ANXA6: variants seen among roughly 807,000 people sequenced by gnomAD.
ANXA6 encodes annexin A6, also known as 67 kDa calelectrin.
ANXA6 carries 71 observed loss-of-function variants against 95.4 expected under a neutral mutation model. The ratio of observed to expected loss-of-function variants is 0.74; its 90% CI spans 0.61 to 0.91. The LOEUF (loss-of-function observed/expected upper bound fraction) is 0.91, where lower values mean the gene tolerates loss of function less well. ANXA6 is among the 40% of genes least tolerant of loss of function. The probability of loss-of-function intolerance (pLI) is 0.00; values close to 1 mark genes in which losing one functional copy is unlikely to be tolerated. For synonymous variants in ANXA6, 289 were observed against 315.9 expected (o/e 0.91, Z 0.90); for missense variants, 830 against 876.4 (o/e 0.95, Z 0.67).
intron 24 of ANXA6, among the ~76,000 whole-genome samples, chr5:151,104,736 G>A (rs1764647158): frequency 6.6e-6 from 1 of 152,210 alleles, no homozygotes; most frequent in African/African-American, 2.4e-5. Context: ...TCTCCCAGAA[G>A]GGCAGGACTA....
chr5:151,132,153 C>T (rs1765531338), intron 10 of ANXA6, among the ~76,000 whole-genome samples: 1 of 152,176 alleles, frequency 6.6e-6, no homozygotes, highest in African/African-American at 2.4e-5. Flanking sequence ...ACACTCAGCA[C>T]AGTGCCTGGC....
Position 151,101,336 on chromosome 5 carries a change from C to CCCCCCA in ANXA6, c.*106_*111dup. The stretch of plus-strand genomic sequence containing the variant: ...AAGATAAGAGCCCAACCCAACCCCT[C>CCCCCCA]CCCCCACCCCTGCCCCTTCCTTAGT... On this transcript the variant is annotated 3_prime_UTR_variant, in exon 26 of 26. Transcript: ENST00000354546. 1.3e-5 allele frequency: 4 copies of CCCCCCA among 308,624 alleles called. No individual in the cohort carries two copies. The highest frequency in any genetic ancestry group is 1.1e-4 in the East Asian group (1 of 8,980). 19.1% of individuals were successfully genotyped at this position (308,624 alleles called of 1,614,324 possible).
chr5:151,141,684 T>C (rs950339721), intron 2 of ANXA6: 25 of 985,326 alleles, frequency 2.5e-5, no homozygotes, highest in Admixed American at 6.1e-5. Context: ...CTCTGAGGTA[T>C]GCATGCGTCG....
intron 2 of ANXA6, among the ~76,000 whole-genome samples, chr5:151,145,630 C>G (rs1033115411): frequency 6.6e-6 from 1 of 152,150 alleles, no homozygotes; most frequent in Non-Finnish European, 1.5e-5. Context: ...TGTATACATG[C>G]ATGCATGTGT....
At chr5:151,138,838 T>G (rs760712625) in intron 4 of ANXA6, 47 bp from the exon 5 acceptor site, 57 of 1,304,360 alleles carry the variant, frequency 4.4e-5, no homozygotes, top group Non-Finnish European at 5.9e-5. Context: ...AGAGGAAGAG[T>G]AGTTACAACG....
At chr5:151,105,167 G>A in intron 24 of ANXA6, 78 bp downstream of exon 24, 1 of 1,315,498 alleles carries the variant, frequency 7.6e-7, no homozygotes, top group Non-Finnish European at 1.1e-6. Flanking sequence ...TGATCTGGGG[G>A]ATGGTGCACA....
rs758298659 is a variant in ANXA6, at chr5:151,117,182, T to C, written c.1519-2A>G. On this transcript the variant is annotated splice_acceptor_variant, in intron 19 of 25. Coordinates refer to ENST00000354546, the MANE Select transcript of ANXA6 (RefSeq NM_001155.5). LOFTEE classifies it high-confidence loss of function. ...TTCTCCTCCCTCCTCACGATGCCCC[T>C]GCAGCAGGAGCAGCAAGAAAGTTCA... 5 of 1,590,962 alleles carry C rather than the reference T, an allele frequency of 3.1e-6. No homozygotes were observed. In the Admixed American group the frequency reaches 8.6e-5, roughly 27 times the overall value.
At chr5:151,126,571 CCCCA>C in intron 13 of ANXA6, 91 bp from the exon 14 acceptor site, 138 of 912,206 alleles carry the variant, frequency 1.5e-4, no homozygotes, top group Non-Finnish European at 2.2e-4. Flanking sequence ...CACACACACA[CCCCA>C]ACACATACAC....
Position 151,100,775 on chromosome 5 carries a change from G to A in ANXA6, c.*673C>T, listed in dbSNP as rs980437407. ...ATAAAAAGTGTCAAGGGAATGAATC[G>A]GAGGCATACTTTAGGAAGTTAATGT... On this transcript the variant is annotated 3_prime_UTR_variant, in exon 26 of 26. Transcript: ENST00000354546. 8 of 428,932 alleles carry A rather than the reference G, an allele frequency of 1.9e-5. No individual in the cohort carries two copies. The highest frequency in any genetic ancestry group is 4.1e-5 in the African/African-American group (2 of 48,848). 26.6% of individuals were successfully genotyped at this position (428,932 alleles called of 1,614,324 possible).
Position 151,132,646 on chromosome 5 carries a change from A to AG in ANXA6, c.641-76dup, listed in dbSNP as rs1765549297. The AG allele has an allele frequency of 1.4e-5, 18 of 1,266,828 alleles. No homozygotes were observed. In the East Asian group the frequency reaches 4.0e-4, roughly 28 times the overall value. The allele number at this position is 1,266,828 out of a possible 1,614,324, so 78.5% of individuals were successfully genotyped here. On this transcript the variant is annotated intron_variant, in intron 9 of 25. Coordinates refer to ENST00000354546, the MANE Select transcript of ANXA6 (RefSeq NM_001155.5). ...GAGAAGAAATGAGGACTTCAAGAGC[A>AG]GGGGGGCACAGTGGCCAGGACGACT...
chr5:151,138,481 CTGCATCATGT>C (rs1272974869), intron 5 of ANXA6, among the ~76,000 whole-genome samples, 187 bp downstream of exon 5: 7 of 152,148 alleles, frequency 4.6e-5, no homozygotes, highest in African/African-American at 1.7e-4. Context: ...GTAAGGGGGT[CTGCATCATGT>C]TGACATCTGT....
At chr5:151,154,911 T>C (rs988683609) in intron 1 of ANXA6, 5 of 151,814 alleles carry the variant, frequency 3.3e-5, no homozygotes, top group Non-Finnish European at 7.4e-5. Flanking sequence ...CTGAGGGTGA[T>C]ATTTAGTAGC....
chr5:151,111,473 C>T (rs753627976), intron 20 of ANXA6, among the ~76,000 whole-genome samples: 2 of 152,172 alleles, frequency 1.3e-5, no homozygotes, highest in Admixed American at 6.5e-5. Flanking sequence ...TGGCAATGTC[C>T]GTTAAAAGTT....
rs1359461537 is a variant in ANXA6 at position 151,144,334 on chromosome 5, A to C, written c.18+3550T>G. Among the ~76,000 whole-genome samples the C allele has an allele frequency of 9.2e-5, 14 of 152,216 alleles. 1 individual carries two copies. Among genetic ancestry groups the C allele is most frequent in the Admixed American group, 9.2e-4 (14 of 15,286 alleles). On this transcript the variant is annotated intron_variant, in intron 2 of 25. Coordinates refer to ENST00000354546, the MANE Select transcript of ANXA6 (RefSeq NM_001155.5). ...AATAGCAGCAGATTTCATATGGTTC[A>C]TGTGACAGGTATTTCATACAAATAC...
chr5:151,122,156 C>G lies in ANXA6; in HGVS notation c.1338G>C (p.Lys446Asn). The change falls in exon 17 of 26, where the codon AAG becomes AAC. Residue 446 changes from lysine to asparagine, a missense_variant. Lys to Asn is a moderately conservative substitution (Grantham distance 94). Transcript: ENST00000354546. ...PAHYDAKQLK[K>N]AMEGAGTDEK... ...TGGTGCCACACTGTACCTCCATGGC[C>G]TTCTTCAACTGCTTGGCATCGTAAT... 6.3e-7 allele frequency: 1 copy of G among 1,593,406 alleles called. No individual in the cohort carries two copies. Among genetic ancestry groups the G allele is most frequent in the Non-Finnish European group, 8.5e-7 (1 of 1,172,502 alleles).
intron 2 of ANXA6, among the ~76,000 whole-genome samples, chr5:151,147,640 C>G (rs887872896): frequency 6.6e-6 from 1 of 152,228 alleles, no homozygotes; most frequent in African/African-American, 2.4e-5. Context: ...AAGCCCTGGG[C>G]CTCTCTGTCA....
rs543198778 is a variant in ANXA6 at position 151,120,273 on chromosome 5, G to A, written c.1348-883C>T. Among the ~76,000 whole-genome samples the A allele has an allele frequency of 2.0e-4, 30 of 152,204 alleles. No homozygotes were observed. In the East Asian group the frequency reaches 4.8e-3, roughly 25 times the overall value. On this transcript the variant is annotated intron_variant, in intron 17 of 25. Coordinates refer to ENST00000354546, the MANE Select transcript of ANXA6 (RefSeq NM_001155.5). ...CAAAGATCTGCACACAGGGAAGCAG[G>A]GAAACTATCAGGGAGGAGAGGAGGC...
At chr5:151,145,221 C>A (rs551758495) in intron 2 of ANXA6, among the ~76,000 whole-genome samples, 19 of 152,302 alleles carry the variant, frequency 1.2e-4, no homozygotes, top group African/African-American at 4.6e-4. Flanking sequence ...GAGCAGGAGT[C>A]CTAGTGGCCT....
At chr5:151,124,634 G>A (rs1765265548) in intron 14 of ANXA6, among the ~76,000 whole-genome samples, 2 of 152,226 alleles carry the variant, frequency 1.3e-5, no homozygotes, top group South Asian at 4.1e-4. Context: ...CTGATCAAGA[G>A]AAATTGGCTA....
Sources: gnomAD v4.1 joint callset for allele counts (sites outside exome capture counted in the v4.1 genomes callset) on GRCh38, gnomAD v4.1.1 for gene constraint, MANE v1.5 for transcripts, NCBI Gene and HGNC (gene_info 2026-07-23, HGNC 2026-07-21) for gene names.